PCDH15: variants seen among roughly 807,000 people sequenced by gnomAD.
PCDH15 encodes the protein protocadherin-15.
PCDH15 carries 129 observed loss-of-function variants against 178.5 expected under a neutral mutation model. The observed-to-expected ratio is 0.72, with a 90% confidence interval of 0.63 to 0.84. The LOEUF is 0.84. Among genes scored for constraint, PCDH15 ranks in the 40% least tolerant of loss-of-function variants. The pLI, the probability that PCDH15 is intolerant of heterozygous loss-of-function variation, is 0.00. For missense variants in PCDH15, 2,230 were observed against 2,099.9 expected (o/e 1.06, Z -1.21); for synonymous variants, 800 against 732.0 (o/e 1.09, Z -1.50).
At chr10:54,463,571 G>A (rs920861479) in intron 3 of PCDH15, among the ~76,000 whole-genome samples, 1 of 152,100 alleles carries the variant, frequency 6.6e-6, no homozygotes, top group Non-Finnish European at 1.5e-5. Context: ...CTTCCAGTGG[G>A]AAGCCAAGTA....
chr10:55,362,389 C>T (rs1193168686), intron 2 of PCDH15, among the ~76,000 whole-genome samples: 3 of 152,068 alleles, frequency 2.0e-5, no homozygotes, highest in African/African-American at 7.2e-5. Context: ...CAAAGAACAA[C>T]CTTTCCTCAA....
Position 54,271,432 on chromosome 10 carries a change from A to T in PCDH15, c.877-34501T>A, listed in dbSNP as rs369001871. ...ACCAAATTGGCGAGGCTGGTTTCGAACTCCTGATCTCAGATTATCAGCCTG... is the reference window on the plus strand; with the variant it reads ...ACCAAATTGGCGAGGCTGGTTTCGATCTCCTGATCTCAGATTATCAGCCTG... On this transcript the variant is annotated intron_variant, in intron 8 of 37. Transcript: ENST00000644397. Among the ~76,000 whole-genome samples the T allele has an allele frequency of 2.1e-3, 322 of 152,010 alleles. 2 individuals are homozygous for T. The highest frequency in any genetic ancestry group is 7.3e-3 in the African/African-American group (304 of 41,488).
intron 3 of PCDH15, among the ~76,000 whole-genome samples, chr10:54,880,336 A>T (rs1484695383): frequency 6.6e-6 from 1 of 152,114 alleles, no homozygotes; most frequent in Non-Finnish European, 1.5e-5. Flanking sequence ...GATTTTTCAG[A>T]GGAGTTTTTA....
chr10:55,012,177 T>C (rs1208186380), intron 2 of PCDH15, among the ~76,000 whole-genome samples: 1 of 152,144 alleles, frequency 6.6e-6, no homozygotes, highest in African/African-American at 2.4e-5. Context: ...TTAACTATTT[T>C]GTTTCTTGCT....
At chr10:54,779,434 G>T (rs200682413) in intron 1 of PCDH15, among the ~76,000 whole-genome samples, 6 of 61,420 alleles carry the variant, frequency 9.8e-5, no homozygotes, top group Admixed American at 5.3e-4. Context: ...ACACACATAT[G>T]TGTATATATA....
intron 8 of PCDH15, among the ~76,000 whole-genome samples, chr10:54,286,359 T>C (rs1312186883): frequency 2.6e-5 from 4 of 152,176 alleles, no homozygotes; most frequent in Non-Finnish European, 5.9e-5. Context: ...TTTTAAAAGT[T>C]AATCACTCTC....
intron 9 of PCDH15, among the ~76,000 whole-genome samples, chr10:54,230,296 C>G (rs966069922): frequency 6.6e-6 from 1 of 151,954 alleles, no homozygotes; most frequent in Non-Finnish European, 1.5e-5. Context: ...ACCACATGTG[C>G]TCAGCTATAA....
chr10:55,310,294 G>T (rs1047516039), intron 1 of PCDH15, among the ~76,000 whole-genome samples: 3 of 151,610 alleles, frequency 2.0e-5, no homozygotes, highest in East Asian at 1.9e-4. Context: ...ACACATAATG[G>T]GTTCTTAATA....
intron 1 of PCDH15, among the ~76,000 whole-genome samples, chr10:55,288,619 A>G (rs2132265535): frequency 6.6e-6 from 1 of 152,114 alleles, no homozygotes; most frequent in South Asian, 2.1e-4. Context: ...CATAAGTGGA[A>G]CCATGTAGTA....
At chr10:54,130,585 T>C (rs1590674924) in intron 15 of PCDH15, among the ~76,000 whole-genome samples, 1 of 152,282 alleles carries the variant, frequency 6.6e-6, no homozygotes, top group East Asian at 1.9e-4. Context: ...CTCAAACAAC[T>C]TTTGGATACC....
chr10:54,843,892 A>G (rs1299072286), intron 3 of PCDH15, among the ~76,000 whole-genome samples: 18 of 152,030 alleles, frequency 1.2e-4, no homozygotes, highest in Admixed American at 1.2e-3. Context: ...GGCAATTGGA[A>G]AATACATGAC....
chr10:54,154,310 C>T (rs1375238863), intron 13 of PCDH15, among the ~76,000 whole-genome samples: 1 of 151,646 alleles, frequency 6.6e-6, no homozygotes, highest in Non-Finnish European at 1.5e-5. Flanking sequence ...TCTCAATTTA[C>T]ACATGAGGGA....
chr10:54,399,932 C>A (rs1237608003), intron 3 of PCDH15, among the ~76,000 whole-genome samples: 1 of 152,038 alleles, frequency 6.6e-6, no homozygotes, highest in East Asian at 1.9e-4. Context: ...AGCAATGCAC[C>A]CTTTCTTTTC....
chr10:55,067,490 C>G (rs1427112793), intron 2 of PCDH15, among the ~76,000 whole-genome samples: 1 of 151,930 alleles, frequency 6.6e-6, no homozygotes, highest in Non-Finnish European at 1.5e-5. Flanking sequence ...TGGGTAGACA[C>G]TTAGGTTGAT....
chr10:54,153,422 C>CTGTTTTT (rs950509198), intron 13 of PCDH15, 129 bp from the exon 14 acceptor site: 3 of 1,004,402 alleles, frequency 3.0e-6, no homozygotes, highest in Admixed American at 2.3e-5. Flanking sequence ...GACATATATA[C>CTGTTTTT]TGTTTTTTGT....
intron 8 of PCDH15, among the ~76,000 whole-genome samples, chr10:54,316,715 G>C (rs1273522313): frequency 6.6e-6 from 1 of 152,074 alleles, no homozygotes; most frequent in Non-Finnish European, 1.5e-5. Flanking sequence ...GAAATTTATA[G>C]CTCCATTAGC....
intron 2 of PCDH15, among the ~76,000 whole-genome samples, chr10:55,047,098 T>C (rs952644484): frequency 6.6e-6 from 1 of 151,900 alleles, no homozygotes. Flanking sequence ...GAAAATTACA[T>C]GAAGGAACAA....
intron 1 of PCDH15, among the ~76,000 whole-genome samples, chr10:54,702,372 A>G (rs1289949886): frequency 6.6e-6 from 1 of 151,956 alleles, no homozygotes; most frequent in Non-Finnish European, 1.5e-5. Flanking sequence ...TCAGATCTGA[A>G]CTGAATGAAA....
chr10:55,147,131 A>G (rs1838538199), intron 2 of PCDH15, among the ~76,000 whole-genome samples: 1 of 151,560 alleles, frequency 6.6e-6, no homozygotes, highest in South Asian at 2.1e-4. Context: ...TTAATGAAAG[A>G]AGATATATTT....
Sources: gnomAD v4.1 joint callset for allele counts (sites outside exome capture counted in the v4.1 genomes callset) on GRCh38, gnomAD v4.1.1 for gene constraint, MANE v1.5 for transcripts, NCBI Gene and HGNC (gene_info 2026-07-23, HGNC 2026-07-21) for gene names.